TLE3: variants seen among roughly 807,000 people sequenced by gnomAD.
The protein encoded by TLE3 is transducin-like enhancer protein 3.
TLE3 carries 14 observed loss-of-function variants against 93.0 expected under a neutral mutation model. That is an observed-to-expected ratio of 0.15 (90% CI 0.10 to 0.24). The LOEUF is 0.24. Ranked by LOEUF, TLE3 falls within the 10% of genes least tolerant of loss-of-function variation. TLE3 has a pLI of 1.00. For missense variants in TLE3, 693 were observed against 1,046.6 expected, an observed-to-expected ratio of 0.66 and a Z score of 4.66; for synonymous variants, 451 against 425.0, an observed-to-expected ratio of 1.06 and a Z score of -0.75.
chr15:70,085,910 A>G (rs1250435395), intron 4 of TLE3, among the ~76,000 whole-genome samples: 1 of 152,232 alleles, frequency 6.6e-6, no homozygotes, highest in African/African-American at 2.4e-5. Flanking sequence ...GCAAAGCAAA[A>G]TAAGAACTGG....
chr15:70,054,203 C>T, intron 16 of TLE3: 1 of 507,066 alleles, frequency 2.0e-6, no homozygotes, highest in South Asian at 3.1e-5. Context: ...AGACATGCTC[C>T]AGCTCCACTT....
intron 4 of TLE3, among the ~76,000 whole-genome samples, chr15:70,082,959 G>A (rs996395086): frequency 5.3e-5 from 8 of 151,562 alleles, no homozygotes; most frequent in Non-Finnish European, 1.0e-4. Context: ...GGTCTACAGT[G>A]TAAGGGAACT....
intron 4 of TLE3, among the ~76,000 whole-genome samples, chr15:70,083,484 A>G (rs963899960): frequency 2.0e-5 from 3 of 148,316 alleles, no homozygotes; most frequent in Admixed American, 2.0e-4. Flanking sequence ...ACCTTCCCCC[A>G]ACACTGCCCA....
chr15:70,053,383 G>T lies in TLE3; in HGVS notation c.1827-9C>A, dbSNP rs768287916. 4 of 1,594,076 alleles carry T rather than the reference G, an allele frequency of 2.5e-6. No homozygotes were observed. Among genetic ancestry groups the T allele is most frequent in the Non-Finnish European group, 3.4e-6 (4 of 1,166,066 alleles). ...TGTGGCCCTGGAACTGCCTACGAAA[G>T]CCAAGCAGGGAGGAGGGTGAGTCCC... On this transcript the variant is annotated splice_polypyrimidine_tract_variant and intron_variant, in intron 16 of 19. Transcript: ENST00000451782.
At chr15:70,073,696 G>A (rs892556659) in intron 6 of TLE3, among the ~76,000 whole-genome samples, 1 of 152,218 alleles carries the variant, frequency 6.6e-6, no homozygotes, top group Non-Finnish European at 1.5e-5. Context: ...GATGAAAGGT[G>A]GACAGGTACA....
rs182711006 is a variant in TLE3 at position 70,059,250 on chromosome 15, C to T, written c.765+160G>A. ...AGACACCATGCAGCAAAGCCCTGCC[C>T]TGCTCCTCTTGACCCCCTGAGACCC... On this transcript the variant is annotated intron_variant, in intron 10 of 19. Transcript: ENST00000451782. Among the ~76,000 whole-genome samples the T allele has an allele frequency of 5.3e-5, 8 of 152,284 alleles. No homozygotes were observed. The East Asian group carries it at 1.2e-3, about 22-fold the overall frequency.
chr15:70,097,168 A>G lies in TLE3; in HGVS notation c.-370T>C, dbSNP rs2058605961. ...CCAGCAGGTCCGGCGCGGGGTCCCG[A>G]GGCCGGGGGCCCCTCCTGGGGCGAG... On this transcript the variant is annotated 5_prime_UTR_variant, in exon 1 of 20. Coordinates refer to ENST00000451782, the MANE Select transcript of TLE3 (RefSeq NM_001105192.3). 1 of 417,862 alleles carries G rather than the reference A, an allele frequency of 2.4e-6. No homozygotes were observed. The highest frequency in any genetic ancestry group is 8.7e-5 in the South Asian group (1 of 11,472). 25.9% of individuals were successfully genotyped at this position (417,862 alleles called of 1,614,324 possible). A position where few individuals can be genotyped will look rare whatever the true frequency, so the allele number is the denominator to read the frequency against.
chr15:70,065,973 A>AG, intron 7 of TLE3, 41 bp downstream of exon 7: 1 of 806,250 alleles, frequency 1.2e-6, no homozygotes, highest in Non-Finnish European at 2.1e-6. Flanking sequence ...GCCCATGCCC[A>AG]CCCCTGCCCC....
Position 70,068,643 on chromosome 15 carries a change from C to A in TLE3, c.373-2425G>T, listed in dbSNP as rs565453712. ...TTCAAAGAAGTAGCTTTGCTGCCTG[C>A]AGACACAGCTAACTCCTTTCATGAA... On this transcript the variant is annotated intron_variant, in intron 6 of 19. Coordinates refer to ENST00000451782, the MANE Select transcript of TLE3 (RefSeq NM_001105192.3). Among the ~76,000 whole-genome samples the A allele has an allele frequency of 1.2e-3, 188 of 152,324 alleles. 1 individual carries two copies. The highest frequency in any genetic ancestry group is 3.7e-3 in the Admixed American group (57 of 15,304).
chr15:70,055,451 A>G, intron 14 of TLE3, 153 bp from the exon 15 acceptor site: 1 of 1,070,122 alleles, frequency 9.3e-7, no homozygotes, highest in East Asian at 2.7e-5. Flanking sequence ...AACCCCATGT[A>G]CTGGGATGGC....
chr15:70,087,224 TCA>T (rs995950063), intron 4 of TLE3, among the ~76,000 whole-genome samples: 5 of 152,160 alleles, frequency 3.3e-5, no homozygotes, highest in African/African-American at 9.7e-5. Context: ...CTCACGGAAC[TCA>T]CAGTCCTGTC....
chr15:70,058,845 T>C lies in TLE3; in HGVS notation c.766-30A>G, dbSNP rs2056271869. The C allele has an allele frequency of 1.3e-6, 2 of 1,524,438 alleles. No homozygotes were observed. Among genetic ancestry groups the C allele is most frequent in the African/African-American group, 2.8e-5 (2 of 71,770 alleles). The allele number at this position is 1,524,438 out of a possible 1,614,324, so 94.4% of individuals were successfully genotyped here. ...AAACACAAGTGATGCAGAGATGCAC[T>C]GAAAGCAACAGCCAGCCTCGAGGCT... On this transcript the variant is annotated intron_variant, in intron 10 of 19. Coordinates refer to ENST00000451782, the MANE Select transcript of TLE3 (RefSeq NM_001105192.3). The surrounding 1 kb of genome is among the most constrained non-coding windows in gnomAD (Gnocchi z 4.1).
At chr15:70,068,991 C>T (rs184158389) in intron 6 of TLE3, among the ~76,000 whole-genome samples, 31 of 152,344 alleles carry the variant, frequency 2.0e-4, no homozygotes, top group African/African-American at 6.7e-4. Context: ...GTGCCAGGAT[C>T]ACATGTGTGA....
intron 4 of TLE3, among the ~76,000 whole-genome samples, chr15:70,093,882 G>A (rs1248741418): frequency 6.6e-6 from 1 of 152,146 alleles, no homozygotes; most frequent in Non-Finnish European, 1.5e-5. Flanking sequence ...TGGCTAGGCT[G>A]CCCCTGGGCA....
Position 70,050,015 on chromosome 15 carries a change from T to C in TLE3, c.*82A>G. ...GCCTGCGGCCCATCCTCCGCCATCCTCGGGGCCCCTCGCCTGGGGGTCTCC... is the reference window on the plus strand; with the variant it reads ...GCCTGCGGCCCATCCTCCGCCATCCCCGGGGCCCCTCGCCTGGGGGTCTCC... On this transcript the variant is annotated 3_prime_UTR_variant, in exon 20 of 20. Coordinates refer to ENST00000451782, the MANE Select transcript of TLE3 (RefSeq NM_001105192.3). 1 of 1,272,268 alleles carries C rather than the reference T, an allele frequency of 7.9e-7. No homozygotes were observed. Among genetic ancestry groups the C allele is most frequent in the Non-Finnish European group, 1.1e-6 (1 of 879,106 alleles). The allele number at this position is 1,272,268 out of a possible 1,614,324, so 78.8% of individuals were successfully genotyped here.
intron 7 of TLE3, among the ~76,000 whole-genome samples, chr15:70,065,221 G>A (rs1006207668): frequency 6.6e-6 from 1 of 152,246 alleles, no homozygotes; most frequent in East Asian, 1.9e-4. Context: ...ACGTGCCCCA[G>A]TAAATACCGT....
intron 4 of TLE3, among the ~76,000 whole-genome samples, chr15:70,079,143 A>AT (rs1252479661): frequency 6.6e-6 from 1 of 151,794 alleles, no homozygotes; most frequent in African/African-American, 2.4e-5. Context: ...GTCCTCTCTC[A>AT]TTCTCACCCC....
rs553646672 is a variant in TLE3, at chr15:70,058,186, C to T, written c.1024G>A (p.Gly342Ser). 10 of 1,613,982 alleles carry T rather than the reference C, an allele frequency of 6.2e-6. No individual in the cohort carries two copies. The African/African-American group carries it at 8.0e-5, about 13-fold the overall frequency. Residue 342 changes from glycine to serine, a missense_variant, in exon 12 of 20, where the codon GGT (glycine) becomes AGT (serine). Gly to Ser is a moderately conservative substitution (Grantham distance 56). This residue lies in a region of TLE3 where 405 missense variants were observed against 468.9 expected (regional missense o/e 0.86). Transcript: ENST00000451782. This position sits in a 1 kb window ranked among gnomAD's most constrained non-coding sequence, Gnocchi z 4.1. ...ATCGGGTCCATGCCCGGAGGTTTAC[C>T]CGGCATCGACCTGAGCCCTGGGGTC... The part of the protein sequence containing the change: ...STTPGLRSMP[G>S]KPPGMDPIAS...
At chr15:70,051,610 C>A in intron 18 of TLE3, 143 bp from the exon 19 acceptor site, 87 of 248,584 alleles carry the variant, frequency 3.5e-4, no homozygotes, top group South Asian at 1.4e-3. Flanking sequence ...AGGCATTTTG[C>A]AAATGGGACA....
Sources: allele counts gnomAD v4.1 joint callset (sites outside exome capture counted in the v4.1 genomes callset), GRCh38; gene constraint gnomAD v4.1.1; regional missense constraint gnomAD v4.1.1; non-coding constraint Gnocchi (gnomAD v3.1); transcripts MANE v1.5; gene names NCBI Gene and HGNC (gene_info 2026-07-23, HGNC 2026-07-21).